Variants in NLRP1 observed in about 807,000 individuals in gnomAD.
NLRP1 encodes the protein NLR family pyrin domain containing 1.
Under a neutral mutation model 136.7 loss-of-function variants are expected in NLRP1, and 94 were observed. The ratio of observed to expected loss-of-function variants is 0.69; its 90% CI spans 0.58 to 0.82. The LOEUF is 0.82. NLRP1 is among the 40% of genes least tolerant of loss of function. The pLI, the probability that NLRP1 is intolerant of heterozygous loss-of-function variation, is 0.00. For synonymous variants in NLRP1, 690 were observed against 725.1 expected (o/e 0.95, Z 0.78); for missense variants, 1,575 against 1,802.7 (o/e 0.87, Z 2.29).
chr17:5,548,433 CCTT>C (rs1402821208), intron 5 of NLRP1, among the ~76,000 whole-genome samples: 2 of 152,188 alleles, frequency 1.3e-5, no homozygotes, highest in East Asian at 3.9e-4. Flanking sequence ...GACTCCTTCT[CCTT>C]CTTGTGTCTT....
At chr17:5,535,220 A>C (rs192943335) in intron 8 of NLRP1, among the ~76,000 whole-genome samples, 1,497 of 136,402 alleles carry the variant, frequency 0.011, 22 homozygotes, top group African/African-American at 0.036. Context: ...ACTCTGTCTC[A>C]AAAAAAAAAA....
Position 5,517,749 on chromosome 17 carries a change from G to A in NLRP1, c.4054C>T (p.Pro1352Ser). The A allele has an allele frequency of 6.2e-7, 1 of 1,614,068 alleles. No homozygotes were observed. Among genetic ancestry groups the A allele is most frequent in the Non-Finnish European group, 8.5e-7 (1 of 1,179,980 alleles). The change falls in exon 15 of 17, where the codon CCA (proline) becomes TCA (serine). Residue 1352 changes from proline (P) to serine (S), a missense_variant. Transcript: ENST00000572272. ...TCTGGAATTGTCCTGGATTTACCTG[G>A]TTTCACCAAGGCCTCCCACACCAGA... is the stretch of plus-strand genomic sequence containing the variant. ...ETLVWEALVK[P>S]GDLMPATTLI... is the part of the protein sequence containing the mutation.
chr17:5,513,490 C>T (rs568073098), downstream of NLRP1, among the ~76,000 whole-genome samples: 33 of 152,256 alleles, frequency 2.2e-4, no homozygotes, highest in Middle Eastern at 3.4e-3. Flanking sequence ...GGTGTTCGGA[C>T]GGTTCAAGTT....
rs767877420 is a variant in NLRP1 at position 5,514,964 on chromosome 17, A to T, written c.4212T>A (p.His1404Gln). The T allele has an allele frequency of 6.2e-7, 1 of 1,614,034 alleles. No individual in the cohort carries two copies. Among genetic ancestry groups the T allele is most frequent in the African/African-American group, 1.3e-5 (1 of 74,914 alleles). Residue 1404 changes from histidine to glutamine, a missense_variant, in exon 17 of 17, where the codon CAT becomes CAA. Coordinates refer to ENST00000572272, the MANE Select transcript of NLRP1 (RefSeq NM_033004.4). ...TSVEVVLDKL[H>Q]GQVLSQEQYE... ...ACTGCTCCTGGCTCAGCACCTGTCC[A>T]TGCAGTTTGTCCAAGACAACCTCCA...
downstream of NLRP1, among the ~76,000 whole-genome samples, chr17:5,510,046 A>G (rs950123830): frequency 6.6e-6 from 1 of 151,624 alleles, no homozygotes; most frequent in Non-Finnish European, 1.5e-5. Context: ...CTCTATTCAA[A>G]AAGATCTTTC....
chr17:5,506,479 C>T (rs1907341569), intron 15 of NLRP1, among the ~76,000 whole-genome samples: 1 of 152,132 alleles, frequency 6.6e-6, no homozygotes, highest in Non-Finnish European at 1.5e-5. Context: ...CACCTATGTT[C>T]ATGGCAGCAT....
At chr17:5,535,310 C>T (rs1231229146) in intron 8 of NLRP1, among the ~76,000 whole-genome samples, 1 of 152,104 alleles carries the variant, frequency 6.6e-6, no homozygotes, top group Non-Finnish European at 1.5e-5. Context: ...GCAGTTCTAT[C>T]GAGCTCCCAG....
At chr17:5,572,666 C>T (rs1904517431) in intron 3 of NLRP1, among the ~76,000 whole-genome samples, 1 of 148,046 alleles carries the variant, frequency 6.8e-6, no homozygotes, top group African/African-American at 2.5e-5. Context: ...GCAGAGATCT[C>T]ACCACTGCAT....
chr17:5,512,525 T>TG, downstream of NLRP1: 1 of 605,692 alleles, frequency 1.7e-6, no homozygotes, highest in South Asian at 1.8e-5. Flanking sequence ...TCCCATTGAC[T>TG]GTCCTCTTGG....
intron 12 of NLRP1, among the ~76,000 whole-genome samples, chr17:5,523,865 A>G (rs1447018000): frequency 2.6e-5 from 4 of 152,260 alleles, no homozygotes. Flanking sequence ...AGTGGTATCT[A>G]TCATCTGAAA....
rs1466050882 is a variant in NLRP1 at position 5,583,499 on chromosome 17, G to C, written c.271+188C>G. Reference sequence around the variant, plus strand: ...TGTGGGGCTCTGAGGTGCAGCAAGGGCCCCCCCAGCAAGCCTCCTGGCTCC... The same window carrying C: ...TGTGGGGCTCTGAGGTGCAGCAAGGCCCCCCCCAGCAAGCCTCCTGGCTCC... On this transcript the variant is annotated intron_variant, in intron 1 of 16. Transcript: ENST00000572272. The surrounding 1 kb of genome is among the most constrained non-coding windows in gnomAD (Gnocchi z 4.5). Among the ~76,000 whole-genome samples the C allele has an allele frequency of 1.3e-5, 2 of 152,014 alleles. No homozygotes were observed. Among genetic ancestry groups the C allele is most frequent in the Admixed American group, 1.3e-4 (2 of 15,264 alleles).
chr17:5,575,751 A>G (rs1020069179), intron 3 of NLRP1, among the ~76,000 whole-genome samples: 2 of 152,174 alleles, frequency 1.3e-5, no homozygotes, highest in Non-Finnish European at 2.9e-5. Flanking sequence ...CCAGGAATTG[A>G]ACTCAGCTCT....
rs1911827030 is a variant in NLRP1, at chr17:5,541,234, C to T, written c.2699+623G>A. Among the ~76,000 whole-genome samples the T allele has an allele frequency of 6.6e-6, 1 of 152,048 alleles. No individual in the cohort carries two copies. Among genetic ancestry groups the T allele is most frequent in the Admixed American group, 6.6e-5 (1 of 15,262 alleles). On this transcript the variant is annotated intron_variant, in intron 6 of 16. Transcript: ENST00000572272. This position sits in a 1 kb window ranked among gnomAD's most constrained non-coding sequence, Gnocchi z 4.2. ...CTACTTTGTGTAGTTTTAGTAGAGA[C>T]AAGGTTTCACCATGTTGGCTAGGCT...
chr17:5,519,312 A>G (rs1175562582), intron 14 of NLRP1, among the ~76,000 whole-genome samples: 1 of 151,162 alleles, frequency 6.6e-6, no homozygotes, highest in Non-Finnish European at 1.5e-5. Context: ...CTCCCGGCTA[A>G]TTTTTGTATT....
At chr17:5,579,354 G>GAAAAAAAAAAA (rs912179587) in intron 3 of NLRP1, among the ~76,000 whole-genome samples, 263 of 151,480 alleles carry the variant, frequency 1.7e-3, no homozygotes, top group African/African-American at 6.2e-3. Flanking sequence ...ACCTTCTCTG[G>GAAAAAAAAAAA]AAAAAAAGAA....
At chr17:5,502,050 A>G in intron 15 of NLRP1, 1 of 598,168 alleles carries the variant, frequency 1.7e-6, no homozygotes, top group East Asian at 3.1e-5. Flanking sequence ...GAAACGCTGT[A>G]ACCAGGGTGC....
At chr17:5,523,311 A>G (rs969985481) in intron 12 of NLRP1, among the ~76,000 whole-genome samples, 2 of 152,020 alleles carry the variant, frequency 1.3e-5, no homozygotes, top group African/African-American at 2.4e-5. Flanking sequence ...AAAACAAAAA[A>G]CAAAATACCA....
chr17:5,521,804 G>T lies in NLRP1; in HGVS notation c.3521-18C>A, dbSNP rs1233720249. On this transcript the variant is annotated intron_variant, in intron 12 of 16. Transcript: ENST00000572272. ...ATGGCCCCCTGTAAAAGAATGGATT[G>T]AAGAGGCACAGGTTTATTTTTATTT... The T allele has an allele frequency of 6.4e-7, 1 of 1,569,108 alleles. No individual in the cohort carries two copies. The highest frequency in any genetic ancestry group is 2.3e-5 in the East Asian group (1 of 44,398).
At chr17:5,534,981 G>C (rs1910844333) in intron 8 of NLRP1, among the ~76,000 whole-genome samples, 1 of 152,192 alleles carries the variant, frequency 6.6e-6, no homozygotes, top group Non-Finnish European at 1.5e-5. Context: ...CAGCACTCTG[G>C]GAGGCTGAGG....
Sources: gnomAD v4.1 joint callset for allele counts (sites outside exome capture counted in the v4.1 genomes callset) on GRCh38, gnomAD v4.1.1 for gene constraint, Gnocchi (gnomAD v3.1) non-coding constraint, MANE v1.5 for transcripts, NCBI Gene and HGNC (gene_info 2026-07-23, HGNC 2026-07-21) for gene names.